KLHL1: variants seen among roughly 807,000 people sequenced by gnomAD.
KLHL1 encodes the protein kelch-like protein 1.
Under a neutral mutation model 77.7 loss-of-function variants are expected in KLHL1, and 47 were observed. The ratio of observed to expected loss-of-function variants is 0.60; its 90% CI spans 0.48 to 0.77. The LOEUF is 0.77. KLHL1 is among the 30% of genes least tolerant of loss of function. KLHL1 has a pLI of 0.00. For synonymous variants in KLHL1, 360 were observed against 325.2 expected (o/e 1.11, Z -1.15); for missense variants, 925 against 910.8 (o/e 1.02, Z -0.20).
At chr13:69,786,400 A>G (rs986258414) in intron 7 of KLHL1, among the ~76,000 whole-genome samples, 1 of 152,236 alleles carries the variant, frequency 6.6e-6, no homozygotes, top group African/African-American at 2.4e-5. Context: ...AACCAAAGAC[A>G]AAAACCCCAT....
chr13:69,983,105 T>C (rs566038355), intron 1 of KLHL1, among the ~76,000 whole-genome samples: 4 of 152,162 alleles, frequency 2.6e-5, no homozygotes, highest in Non-Finnish European at 4.4e-5. Flanking sequence ...ATCCCATTTA[T>C]ATCTATTTTA....
chr13:70,015,869 C>A (rs1406325549), intron 1 of KLHL1, among the ~76,000 whole-genome samples: 1 of 152,176 alleles, frequency 6.6e-6, no homozygotes, highest in South Asian at 2.1e-4. Context: ...ATAATATTAC[C>A]ATAACATAAC....
intron 9 of KLHL1, among the ~76,000 whole-genome samples, chr13:69,708,371 G>GA (rs1316669000): frequency 1.3e-5 from 2 of 152,010 alleles, no homozygotes; most frequent in African/African-American, 4.8e-5. Context: ...CTAAGTTCAA[G>GA]AAAGACTGAG....
intron 5 of KLHL1, among the ~76,000 whole-genome samples, chr13:69,852,517 C>A (rs561087287): frequency 6.6e-6 from 1 of 151,886 alleles, no homozygotes; most frequent in Non-Finnish European, 1.5e-5. Context: ...TTATCTTTAA[C>A]TAAAACCTTT....
At chr13:69,729,082 A>G (rs796601262) in intron 8 of KLHL1, among the ~76,000 whole-genome samples, 4 of 152,266 alleles carry the variant, frequency 2.6e-5, no homozygotes, top group African/African-American at 9.6e-5. Context: ...CTACCAAAGA[A>G]GAAACAAAAA....
chr13:69,764,062 T>C (rs957785419), intron 7 of KLHL1, among the ~76,000 whole-genome samples: 2 of 152,152 alleles, frequency 1.3e-5, no homozygotes, highest in Non-Finnish European at 2.9e-5. Flanking sequence ...GAAGTTTTGA[T>C]CAATCCCTCA....
chr13:69,768,807 T>TA (rs1348676435), intron 7 of KLHL1, among the ~76,000 whole-genome samples: 2 of 152,164 alleles, frequency 1.3e-5, no homozygotes, highest in Non-Finnish European at 2.9e-5. Flanking sequence ...TCCTACTCAC[T>TA]AAAAGCAAAA....
chr13:70,012,294 C>T (rs770449422), intron 1 of KLHL1, among the ~76,000 whole-genome samples: 1 of 152,102 alleles, frequency 6.6e-6, no homozygotes. Flanking sequence ...TTCATATTCC[C>T]TTCACTATTT....
At chr13:69,871,033 A>G (rs565790048) in intron 5 of KLHL1, among the ~76,000 whole-genome samples, 5 of 151,546 alleles carry the variant, frequency 3.3e-5, no homozygotes, top group Admixed American at 3.3e-4. Flanking sequence ...CCTAGCAGTT[A>G]TTCTTTGTGG....
intron 7 of KLHL1, among the ~76,000 whole-genome samples, chr13:69,773,315 A>G (rs941915486): frequency 5.3e-5 from 8 of 152,176 alleles, no homozygotes; most frequent in Admixed American, 5.2e-4. Context: ...TTATTTGCAT[A>G]TGAAAATTGA....
chr13:70,005,374 A>C (rs915569163), intron 1 of KLHL1, among the ~76,000 whole-genome samples: 3 of 152,140 alleles, frequency 2.0e-5, no homozygotes, highest in Admixed American at 2.0e-4. Context: ...AGCTTGTCCA[A>C]CCTGCAGCCT....
chr13:69,902,742 T>C (rs1881911936), intron 4 of KLHL1, among the ~76,000 whole-genome samples: 1 of 108,526 alleles, frequency 9.2e-6, no homozygotes, highest in Middle Eastern at 5.6e-3. Flanking sequence ...ACATCACATA[T>C]CGGGGTCTGT....
intron 6 of KLHL1, among the ~76,000 whole-genome samples, chr13:69,823,799 C>G (rs1878437233): frequency 6.6e-6 from 1 of 151,940 alleles, no homozygotes; most frequent in Non-Finnish European, 1.5e-5. Context: ...CTTGGTATCT[C>G]TGTAATCATT....
intron 4 of KLHL1, among the ~76,000 whole-genome samples, chr13:69,886,117 TATG>T (rs1380118772): frequency 6.6e-6 from 1 of 152,144 alleles, no homozygotes; most frequent in East Asian, 1.9e-4. Flanking sequence ...GTCTTATATG[TATG>T]ATATTATCAT....
At chr13:69,798,035 T>A (rs1347229979) in intron 6 of KLHL1, among the ~76,000 whole-genome samples, 1 of 152,170 alleles carries the variant, frequency 6.6e-6, no homozygotes, top group East Asian at 1.9e-4. Context: ...TTTGTTTTAA[T>A]GGGTTTAATT....
intron 7 of KLHL1, among the ~76,000 whole-genome samples, chr13:69,784,789 T>C (rs1452876988): frequency 1.3e-5 from 2 of 151,064 alleles, no homozygotes; most frequent in African/African-American, 2.4e-5. Flanking sequence ...GACAGAAAGT[T>C]AACAAGGATA....
At chr13:69,766,312 G>A (rs529510627) in intron 7 of KLHL1, among the ~76,000 whole-genome samples, 1 of 152,044 alleles carries the variant, frequency 6.6e-6, no homozygotes, top group African/African-American at 2.4e-5. Flanking sequence ...TTATACATTA[G>A]CTGTTTCAAA....
At chr13:69,811,872 T>G (rs1877896296) in intron 6 of KLHL1, among the ~76,000 whole-genome samples, 1 of 152,198 alleles carries the variant, frequency 6.6e-6, no homozygotes, top group Non-Finnish European at 1.5e-5. Context: ...TTCATTGATT[T>G]TTTGAAGGGT....
intron 4 of KLHL1, among the ~76,000 whole-genome samples, chr13:69,917,593 C>T (rs1332649624): frequency 6.6e-6 from 1 of 152,032 alleles, no homozygotes; most frequent in African/African-American, 2.4e-5. Flanking sequence ...ATTGTGCCAG[C>T]AAACAAGGAA....
Sources: gnomAD v4.1 joint callset for allele counts (sites outside exome capture counted in the v4.1 genomes callset) on GRCh38, gnomAD v4.1.1 for gene constraint, MANE v1.5 for transcripts, NCBI Gene and HGNC (gene_info 2026-07-23, HGNC 2026-07-21) for gene names.